FAM120AOS: variants seen among roughly 807,000 people sequenced by gnomAD.
FAM120AOS encodes uncharacterized protein FAM120AOS.
FAM120AOS carries 15 observed loss-of-function variants against 20.2 expected under a neutral mutation model. The observed-to-expected ratio is 0.74, with a 90% CI of 0.50 to 1.15. The LOEUF is 1.15. FAM120AOS is among the 50% of genes most tolerant of loss of function. FAM120AOS has a pLI of 0.00. For missense variants in FAM120AOS, 327 were observed against 351.9 expected (o/e 0.93, Z 0.57); for synonymous variants, 154 against 154.0 (o/e 1.00, Z 0.00).
intron 1 of FAM120AOS, 116 bp from the exon 2 acceptor site, chr9:93,450,715 T>C (rs560747344): frequency 6.8e-7 from 1 of 1,478,864 alleles, no homozygotes; most frequent in East Asian, 2.5e-5. Context: ...TTTTTGAAAA[T>C]GTTTTATGCA....
At chr9:93,450,232 A>G (rs937423276) in intron 2 of FAM120AOS, among the ~76,000 whole-genome samples, 1 of 149,430 alleles carries the variant, frequency 6.7e-6, no homozygotes. Flanking sequence ...CAAATGATTC[A>G]CCCGCCTCGG....
At chr9:93,448,455 TG>T in intron 2 of FAM120AOS, 1 of 227,296 alleles carries the variant, frequency 4.4e-6, no homozygotes, top group Admixed American at 5.1e-5. Context: ...AACACATCAT[TG>T]TACTCCAGCC....
chr9:93,452,212 G>C lies in FAM120AOS; in HGVS notation c.498C>G (p.Ser166Arg), dbSNP rs1460804638. 1 of 1,611,540 alleles carries C rather than the reference G, an allele frequency of 6.2e-7. No homozygotes were observed. The highest frequency in any genetic ancestry group is 8.5e-7 in the Non-Finnish European group (1 of 1,179,614). Residue 166 changes from serine (S) to arginine (R), a missense_variant, in exon 1 of 3, where the codon AGC becomes AGG. This residue lies in a region of FAM120AOS where 86 missense variants were observed against 140.2 expected (regional missense o/e 0.61). Transcript: ENST00000375412. This position sits in a 1 kb window ranked among gnomAD's most constrained non-coding sequence, Gnocchi z 7.0. ...AGCTCTTCGTCTTCTTCAACGGCGC[G>C]CTCGAGAAGGCCCGGCTGCACGAGT... ...LTHSCSRAFSSAPLKKTKSSM... is the reference protein window; with the variant it reads ...LTHSCSRAFSRAPLKKTKSSM...
Position 93,445,236 on chromosome 9 carries a change from T to G in FAM120AOS, c.*2375A>C, listed in dbSNP as rs747213674. ...ATTCCTTTTCCCTTCCTAAAGGTAC[T>G]CAGGTTTCTTTCTCAGAAATTGTAT... On this transcript the variant is annotated 3_prime_UTR_variant, in exon 3 of 3. Coordinates refer to ENST00000375412, the MANE Select transcript of FAM120AOS (RefSeq NM_198841.4). Among the ~76,000 whole-genome samples, 5 of 152,134 alleles carry G rather than the reference T, an allele frequency of 3.3e-5. No homozygotes were observed. The highest frequency in any genetic ancestry group is 7.4e-5 in the Non-Finnish European group (5 of 68,012).
chr9:93,447,801 T>C (rs1282182360), intron 2 of FAM120AOS, 104 bp from the exon 3 acceptor site: 2 of 944,044 alleles, frequency 2.1e-6, no homozygotes, highest in Non-Finnish European at 3.2e-6. Flanking sequence ...GGAGCTCTCC[T>C]ACCCTCTGCT....
At chr9:93,451,547 G>A (rs1183346680) in intron 1 of FAM120AOS, 1 of 987,168 alleles carries the variant, frequency 1.0e-6, no homozygotes, top group South Asian at 4.6e-5. Flanking sequence ...GCCGCCTCCG[G>A]GAGCCCCGAG....
rs76828368 is a variant in FAM120AOS at position 93,446,207 on chromosome 9, C to T, written c.*1404G>A. On this transcript the variant is annotated 3_prime_UTR_variant, in exon 3 of 3. Coordinates refer to ENST00000375412, the MANE Select transcript of FAM120AOS (RefSeq NM_198841.4). ...CTCTTCCTTTGTCAGCAAGGTCAAA[C>T]GCCTGAGCCACAAGTCTTAGCTGTT... Among the ~76,000 whole-genome samples the T allele has an allele frequency of 5.3e-5, 8 of 152,296 alleles. No individual in the cohort carries two copies. The East Asian group carries it at 9.6e-4, about 18-fold the overall frequency.
chr9:93,450,429 C>T (rs754562714), intron 2 of FAM120AOS, 50 bp downstream of exon 2: 41 of 1,527,806 alleles, frequency 2.7e-5, no homozygotes, highest in Non-Finnish European at 3.6e-5. Context: ...ATGATACTGG[C>T]TTGCATTTGA....
Position 93,452,762 on chromosome 9 carries a change from C to T in FAM120AOS, c.-53G>A, listed in dbSNP as rs1857326214. ...CACCTTCAACTTTGACAAAATACTC[C>T]CTTTTCTAATTTAGCCTGTTCTTTC... is the stretch of plus-strand genomic sequence containing the variant. On this transcript the variant is annotated 5_prime_UTR_variant, in exon 1 of 3. Coordinates refer to ENST00000375412, the MANE Select transcript of FAM120AOS (RefSeq NM_198841.4). This position sits in a 1 kb window ranked among gnomAD's most constrained non-coding sequence, Gnocchi z 7.0. 1 of 1,596,754 alleles carries T rather than the reference C, an allele frequency of 6.3e-7. No individual in the cohort carries two copies. The highest frequency in any genetic ancestry group is 1.7e-5 in the Admixed American group (1 of 59,662).
chr9:93,444,335 CA>C lies in FAM120AOS; in HGVS notation c.*3275del. 6.6e-6 allele frequency among the ~76,000 whole-genome samples: 1 copy of C among 152,136 alleles called. No homozygotes were observed. Among genetic ancestry groups the C allele is most frequent in the Admixed American group, 6.5e-5 (1 of 15,284 alleles). On this transcript the variant is annotated 3_prime_UTR_variant, in exon 3 of 3. Transcript: ENST00000375412. ...GATGACAGGCGTGAGCCACCGTGTC[CA>C]GCCTGACTAGGGTCATCTTTAGGTC...
At chr9:93,447,818 G>T in intron 2 of FAM120AOS, 121 bp from the exon 3 acceptor site, 1 of 839,424 alleles carries the variant, frequency 1.2e-6, no homozygotes, top group Non-Finnish European at 1.9e-6. Context: ...TGCTACTGCT[G>T]ATAACTCATA....
chr9:93,451,225 T>C (rs1382508205), intron 1 of FAM120AOS: 3 of 1,525,552 alleles, frequency 2.0e-6, no homozygotes, highest in South Asian at 2.4e-5. Flanking sequence ...ACGGCGGCGT[T>C]AGAAAGGCGG....
rs1034930401 is a variant in FAM120AOS at position 93,453,037 on chromosome 9, A to G, written c.-328T>C. 23 of 1,145,398 alleles carry G rather than the reference A, an allele frequency of 2.0e-5. No homozygotes were observed. In the African/African-American group the frequency reaches 3.7e-4, roughly 18 times the overall value. 71.0% of individuals were successfully genotyped at this position (1,145,398 alleles called of 1,614,324 possible). A position where few individuals can be genotyped will look rare whatever the true frequency, so the allele number is the denominator to read the frequency against. The stretch of plus-strand genomic sequence containing the variant: ...CTATGGCTTTTTGTGTTAGATTTCA[A>G]AGACCCGTGCACTTTGACAGGATGG... On this transcript the variant is annotated 5_prime_UTR_variant, in exon 1 of 3. Transcript: ENST00000375412.
Position 93,447,339 on chromosome 9 carries a change from A to T in FAM120AOS, c.*272T>A. 1 of 389,458 alleles carries T rather than the reference A, an allele frequency of 2.6e-6. No homozygotes were observed. The allele number at this position is 389,458 out of a possible 1,614,324, so 24.1% of individuals were successfully genotyped here. On this transcript the variant is annotated 3_prime_UTR_variant, in exon 3 of 3. Transcript: ENST00000375412. ...AGTAGCTGGCCAATGCCCAGTATAC[A>T]CCAGGGGCTCAGTCGCTGTTTGTCT...
intron 1 of FAM120AOS, chr9:93,451,163 C>G (rs1322707504): frequency 6.5e-7 from 1 of 1,550,148 alleles, no homozygotes; most frequent in African/African-American, 1.4e-5. Flanking sequence ...GCATCCCGCT[C>G]TCCCGGACCC....
At position 93,452,161 on chromosome 9, in the gene FAM120AOS, C is replaced by T. The variant is rs761542129; in HGVS notation, c.549G>A (p.Leu183=). 1 of 1,611,668 alleles carries T rather than the reference C, an allele frequency of 6.2e-7. No individual in the cohort carries two copies. Among genetic ancestry groups the T allele is most frequent in the Admixed American group, 1.7e-5 (1 of 59,970 alleles). The change falls in exon 1 of 3, where the codon TTG becomes TTA. Residue 183 remains leucine, a synonymous_variant. Transcript: ENST00000375412. This position sits in a 1 kb window ranked among gnomAD's most constrained non-coding sequence, Gnocchi z 7.0. The stretch of plus-strand genomic sequence containing the variant: ...TGCTTGGCTACCTGGCGGCGCTGGC[C>T]AAGGCCTGCTTCGGCGGCAACATCG... The part of the protein sequence containing the change: ...KSSMLPPKQA[L]ASAARNLCRG...
intron 2 of FAM120AOS, among the ~76,000 whole-genome samples, chr9:93,448,876 G>A (rs1455152462): frequency 6.6e-6 from 1 of 151,994 alleles, no homozygotes; most frequent in Non-Finnish European, 1.5e-5. Flanking sequence ...GCCCACCTCA[G>A]CCTCCCAAAG....
At chr9:93,448,640 T>G (rs1856947175) in intron 2 of FAM120AOS, among the ~76,000 whole-genome samples, 1 of 152,240 alleles carries the variant, frequency 6.6e-6, no homozygotes, top group Non-Finnish European at 1.5e-5. Context: ...ATTTTTAAGA[T>G]GGAGTCTCGC....
In FAM120AOS at chr9:93,443,981, T is replaced by C. The variant is rs532918139; in HGVS notation, c.*3630A>G. ...CACATTCTTCAGACCATAGGGTCAT[T>C]TTTTCCTGCTCCTCTGGCTGGAAAG... is the stretch of plus-strand genomic sequence containing the variant. On this transcript the variant is annotated 3_prime_UTR_variant, in exon 3 of 3. Transcript: ENST00000375412. Among the ~76,000 whole-genome samples, 3 of 152,340 alleles carry C rather than the reference T, an allele frequency of 2.0e-5. No homozygotes were observed. The highest frequency in any genetic ancestry group is 4.1e-4 in the South Asian group (2 of 4,828).
Sources: gnomAD v4.1 joint callset for allele counts (sites outside exome capture counted in the v4.1 genomes callset) on GRCh38, gnomAD v4.1.1 for gene constraint, gnomAD v4.1.1 regional missense constraint, Gnocchi (gnomAD v3.1) non-coding constraint, MANE v1.5 for transcripts, NCBI Gene and HGNC (gene_info 2026-07-23, HGNC 2026-07-21) for gene names.